Variants in KIFC1 observed in about 807,000 individuals in gnomAD.
KIFC1 encodes the protein kinesin family member C1, also known as kinesin-like protein KIFC1.
A neutral mutation model predicts 66.6 loss-of-function variants in KIFC1; 37 were observed. The observed-to-expected ratio is 0.56, with a 90% confidence interval of 0.43 to 0.73. KIFC1 has a LOEUF of 0.73. Among genes scored for constraint, KIFC1 ranks in the 30% least tolerant of loss-of-function variants. The pLI is 0.00. For missense variants in KIFC1, 721 were observed against 859.8 expected (o/e 0.84, Z 2.02); for synonymous variants, 325 against 343.5 (o/e 0.95, Z 0.60).
rs778424334 is a variant in KIFC1 at position 33,409,708 on chromosome 6, T to TGTGTGTG, written c.*19_*25dup. Reference sequence around the variant, plus strand: ...GGAAGTGAAGACGGATCCAGATCTGTGTGTGTGTGTGTGTGTGTGTGTGTG... The same window carrying TGTGTGTG: ...GGAAGTGAAGACGGATCCAGATCTGTGTGTGTGGTGTGTGTGTGTGTGTGTGTGTGTG... On this transcript the variant is annotated 3_prime_UTR_variant, in exon 11 of 11. Coordinates refer to ENST00000428849, the MANE Select transcript of KIFC1 (RefSeq NM_002263.4). 1.7e-5 allele frequency: 5 copies of TGTGTGTG among 301,560 alleles called. No homozygotes were observed. The highest frequency in any genetic ancestry group is 1.4e-4 in the African/African-American group (2 of 14,714). 18.7% of individuals were successfully genotyped at this position (301,560 alleles called of 1,614,324 possible). A position where few individuals can be genotyped will look rare whatever the true frequency, so the allele number is the denominator to read the frequency against.
In KIFC1 at chr6:33,406,906, A is replaced by AC. The variant is rs758347535; in HGVS notation, c.1977+34dup. 1.2e-6 allele frequency: 2 copies of AC among 1,613,728 alleles called. No homozygotes were observed. The highest frequency in any genetic ancestry group is 1.7e-6 in the Non-Finnish European group (2 of 1,179,846). On this transcript the variant is annotated intron_variant, in intron 10 of 10. Coordinates refer to ENST00000428849, the MANE Select transcript of KIFC1 (RefSeq NM_002263.4). The surrounding 1 kb of genome is among the most constrained non-coding windows in gnomAD (Gnocchi z 4.5). ...ATTACCACCCGTCAGCCTTGTCAGG[A>AC]CCCGTGGGTGGTTGTAGGCTTCTCC...
In KIFC1 at chr6:33,406,644, C is replaced by G; in HGVS notation, c.1880C>G (p.Ser627Cys). The G allele has an allele frequency of 1.2e-6, 2 of 1,614,114 alleles. No homozygotes were observed. Among genetic ancestry groups the G allele is most frequent in the Non-Finnish European group, 1.7e-6 (2 of 1,180,022 alleles). ...NSKLTYLLQNSLGGSAKMLMF... is the reference protein window; with the variant it reads ...NSKLTYLLQNCLGGSAKMLMF... The stretch of plus-strand genomic sequence containing the variant: ...AAACTGACCTACCTGCTGCAGAACT[C>G]TCTGGGTGGTAGTGCTAAGATGTGA... Residue 627 changes from serine (S) to cysteine (C), a missense_variant, in exon 9 of 11, where the codon TCT becomes TGT. By Grantham distance (112) the Ser-to-Cys change is moderately radical. Transcript: ENST00000428849. The surrounding 1 kb of genome is among the most constrained non-coding windows in gnomAD (Gnocchi z 4.5).
chr6:33,403,054 T>C lies in KIFC1; in HGVS notation c.251-260T>C, dbSNP rs1444890581. Among the ~76,000 whole-genome samples, 1 of 152,162 alleles carries C rather than the reference T, an allele frequency of 6.6e-6. No homozygotes were observed. The highest frequency in any genetic ancestry group is 6.5e-5 in the Admixed American group (1 of 15,276). On this transcript the variant is annotated intron_variant, in intron 3 of 10. Transcript: ENST00000428849. The surrounding 1 kb of genome is among the most constrained non-coding windows in gnomAD (Gnocchi z 4.6). ...ATATTTAATACTATATACCTATTTA[T>C]GTAAGGGACTTGGGCATCCTTGGAT...
rs779218729 is a variant in KIFC1 at position 33,406,268 on chromosome 6, C to T, written c.1609C>T (p.Arg537Cys). ...CACAGCCCAGAATGAACGGTCATCA[C>T]GCAGCCACAGTGTATTCCAGCTACA... ...ARTAQNERSS[R>C]SHSVFQLQIS... Residue 537 changes from arginine (R) to cysteine (C), a missense_variant, in exon 8 of 11, where the codon CGC becomes TGC. By Grantham distance (180) the Arg-to-Cys change is radical. Transcript: ENST00000428849. This position sits in a 1 kb window ranked among gnomAD's most constrained non-coding sequence, Gnocchi z 4.5. The T allele has an allele frequency of 1.5e-5, 24 of 1,614,022 alleles. No homozygotes were observed. Among genetic ancestry groups the T allele is most frequent in the Non-Finnish European group, 2.0e-5 (24 of 1,180,034 alleles).
chr6:33,391,531 T>C (rs759995648), upstream of KIFC1: 7 of 224,874 alleles, frequency 3.1e-5, no homozygotes, highest in Non-Finnish European at 6.3e-5. Context: ...GCCAGTTGCG[T>C]TCGTGCGGCG....
In KIFC1 at chr6:33,398,398, A is replaced by C; in HGVS notation, c.250+11A>C. ...AAGGCCAGACCACAGGTGGGCTCTC[A>C]GGATGGATAGACTCCAAGGACATGG... On this transcript the variant is annotated intron_variant, in intron 3 of 10. Transcript: ENST00000428849. 11 of 1,580,096 alleles carry C rather than the reference A, an allele frequency of 7.0e-6. No homozygotes were observed. The highest frequency in any genetic ancestry group is 2.2e-5 in the East Asian group (1 of 44,682).
intron 3 of KIFC1, among the ~76,000 whole-genome samples, chr6:33,402,997 A>C (rs376006): frequency 0.3 from 45,839 of 151,914 alleles, 8,360 homozygotes; most frequent in South Asian, 0.38. Context: ...GTCAATCAAT[A>C]AATAAAGTAT....
chr6:33,401,480 C>T lies in KIFC1; in HGVS notation c.251-1834C>T, dbSNP rs1411943938. ...AAATTTTATTTATTTGTATTTTTTC[C>T]AAGAAATAAGCTTAAATTTGAAAAA... On this transcript the variant is annotated intron_variant, in intron 3 of 10. Coordinates refer to ENST00000428849, the MANE Select transcript of KIFC1 (RefSeq NM_002263.4). The surrounding 1 kb of genome is among the most constrained non-coding windows in gnomAD (Gnocchi z 4.5). 1.3e-5 allele frequency among the ~76,000 whole-genome samples: 2 copies of T among 151,902 alleles called. No individual in the cohort carries two copies. The highest frequency in any genetic ancestry group is 2.9e-5 in the Non-Finnish European group (2 of 67,986).
rs1775637209 is a variant in KIFC1 at position 33,406,110 on chromosome 6, T to TG, written c.1537-81dup. 8.0e-7 allele frequency: 1 copy of TG among 1,249,812 alleles called. No individual in the cohort carries two copies. The highest frequency in any genetic ancestry group is 2.0e-4 in the Middle Eastern group (1 of 4,888). 77.4% of individuals were successfully genotyped at this position (1,249,812 alleles called of 1,614,324 possible). A position where few individuals can be genotyped will look rare whatever the true frequency, so the allele number is the denominator to read the frequency against. The stretch of plus-strand genomic sequence containing the variant: ...GACAGGCTAGAAAGCTTCAAGAGGG[T>TG]GGGGGTGGGCTCTTATTCATTTCCA... On this transcript the variant is annotated intron_variant, in intron 7 of 10. Transcript: ENST00000428849. The surrounding 1 kb of genome is among the most constrained non-coding windows in gnomAD (Gnocchi z 4.5).
At chr6:33,399,925 T>C (rs1471625720) in intron 3 of KIFC1, 1 of 555,632 alleles carries the variant, frequency 1.8e-6, no homozygotes, top group African/African-American at 1.9e-5. Flanking sequence ...TAGTTTACTA[T>C]AACTATTTTA....
In KIFC1 at chr6:33,394,626, C is replaced by T. The variant is rs192217365; in HGVS notation, c.12+2629C>T. ...TCTCCCGAGTAGCTGGGATTACAGGCACGTGCCAGCACACCTGGCTAATTT... is the reference window on the plus strand; with the variant it reads ...TCTCCCGAGTAGCTGGGATTACAGGTACGTGCCAGCACACCTGGCTAATTT... On this transcript the variant is annotated intron_variant, in intron 1 of 10. Coordinates refer to ENST00000428849, the MANE Select transcript of KIFC1 (RefSeq NM_002263.4). Among the ~76,000 whole-genome samples, 113 of 152,318 alleles carry T rather than the reference C, an allele frequency of 7.4e-4. 1 individual carries two copies. The highest frequency in any genetic ancestry group is 1.5e-3 in the African/African-American group (64 of 41,566).
rs777524234 is a variant in KIFC1, at chr6:33,400,174, G to T, written c.250+1787G>T. ...GGCAGTCCCCGGAATCTCTTTAATGGTTCCAGAGAGTTCTCTGGCTAAGGA... is the reference window on the plus strand; with the variant it reads ...GGCAGTCCCCGGAATCTCTTTAATGTTTCCAGAGAGTTCTCTGGCTAAGGA... On this transcript the variant is annotated intron_variant, in intron 3 of 10. Transcript: ENST00000428849. This position sits in a 1 kb window ranked among gnomAD's most constrained non-coding sequence, Gnocchi z 4.3. The T allele has an allele frequency of 1.4e-5, 20 of 1,472,020 alleles. No homozygotes were observed. The Admixed American group carries it at 1.7e-4, about 12-fold the overall frequency. The allele number at this position is 1,472,020 out of a possible 1,614,324, so 91.2% of individuals were successfully genotyped here.
rs1775689568 is a variant in KIFC1, at chr6:33,406,880, G to A, written c.1977+5G>A. ...TCTCTACGCTTTGCCTCCAAGGTGC[G>A]ATTACCACCCGTCAGCCTTGTCAGG... On this transcript the variant is annotated splice_donor_5th_base_variant and intron_variant, in intron 10 of 10. Transcript: ENST00000428849. The surrounding 1 kb of genome is among the most constrained non-coding windows in gnomAD (Gnocchi z 4.5). 3.7e-6 allele frequency: 6 copies of A among 1,613,924 alleles called. No homozygotes were observed. The highest frequency in any genetic ancestry group is 2.7e-5 in the African/African-American group (2 of 74,862).
rs1240431379 is a variant in KIFC1 at position 33,401,054 on chromosome 6, T to A, written c.251-2260T>A. Among the ~76,000 whole-genome samples, 1 of 152,264 alleles carries A rather than the reference T, an allele frequency of 6.6e-6. No homozygotes were observed. Among genetic ancestry groups the A allele is most frequent in the African/African-American group, 2.4e-5 (1 of 41,474 alleles). On this transcript the variant is annotated intron_variant, in intron 3 of 10. Coordinates refer to ENST00000428849, the MANE Select transcript of KIFC1 (RefSeq NM_002263.4). The surrounding 1 kb of genome is among the most constrained non-coding windows in gnomAD (Gnocchi z 4.5). ...CCTTATTCCTCATGCTTTTTTTCTA[T>A]CTAAATTTTGTTTTGGGCGGGGAGC...
intron 10 of KIFC1, among the ~76,000 whole-genome samples, chr6:33,409,357 G>C (rs981001735): frequency 2.2e-4 from 33 of 152,144 alleles, no homozygotes; most frequent in African/African-American, 8.0e-4. Flanking sequence ...TTTACAGTGG[G>C]AGAGGTTGGA....
chr6:33,405,382 G>C lies in KIFC1; in HGVS notation c.1287G>C (p.Gln429His), dbSNP rs891410238. The change falls in exon 7 of 11, where the codon CAG (glutamine) becomes CAC (histidine). Residue 429 changes from glutamine to histidine, a missense_variant. Physicochemically the swap from Gln to His is conservative, Grantham distance 24. Transcript: ENST00000428849. The surrounding 1 kb of genome is among the most constrained non-coding windows in gnomAD (Gnocchi z 5.4). ...TMEGGPGGDP[Q>H]LEGLIPRALR... ...AGGGTGGGCCTGGGGGAGACCCCCA[G>C]TTGGAGGGGCTGATCCCTCGGGCCC... is the stretch of plus-strand genomic sequence containing the variant. 1.2e-6 allele frequency: 2 copies of C among 1,609,190 alleles called. No homozygotes were observed. Among genetic ancestry groups the C allele is most frequent in the Admixed American group, 1.7e-5 (1 of 59,810 alleles).
intron 1 of KIFC1, 71 bp downstream of exon 1, chr6:33,392,068 G>A: frequency 6.5e-7 from 1 of 1,541,200 alleles, no homozygotes; most frequent in Non-Finnish European, 8.9e-7. Flanking sequence ...ATGCTGTCGC[G>A]CCCCCGGCTC....
intron 1 of KIFC1, 32 bp from the exon 2 acceptor site, chr6:33,397,997 G>A (rs775027681): frequency 2.0e-5 from 32 of 1,609,314 alleles, no homozygotes; most frequent in Non-Finnish European, 2.7e-5. Flanking sequence ...TGGGCTCCTG[G>A]GTATTGTCTT....
chr6:33,407,034 CT>C, intron 10 of KIFC1, 159 bp downstream of exon 10: 1 of 1,420,812 alleles, frequency 7.0e-7, no homozygotes, highest in Non-Finnish European at 9.2e-7. Context: ...TAATTATTAG[CT>C]TTTGAGTTAA....
Sources: gnomAD v4.1 joint callset for allele counts (sites outside exome capture counted in the v4.1 genomes callset) on GRCh38, gnomAD v4.1.1 for gene constraint, Gnocchi (gnomAD v3.1) non-coding constraint, MANE v1.5 for transcripts, NCBI Gene and HGNC (gene_info 2026-07-23, HGNC 2026-07-21) for gene names.